Variants in FANCC observed in about 807,000 individuals in gnomAD.
FANCC encodes the protein FA complementation group C, also known as Fanconi anemia group C protein.
FANCC carries 55 observed loss-of-function variants against 71.3 expected under a neutral mutation model. The observed-to-expected ratio is 0.77, with a 90% CI of 0.62 to 0.97. The LOEUF (loss-of-function observed/expected upper bound fraction) is 0.97. FANCC is among the 50% of genes least tolerant of loss of function. The pLI is 0.00. For missense variants in FANCC, 678 were observed against 670.9 expected, an observed-to-expected ratio of 1.01 and a Z score of -0.12; for synonymous variants, 275 against 244.9, an observed-to-expected ratio of 1.12 and a Z score of -1.15.
intron 4 of FANCC, among the ~76,000 whole-genome samples, chr9:95,211,543 C>T (rs1308416162): frequency 6.6e-6 from 1 of 152,138 alleles, no homozygotes; most frequent in African/African-American, 2.4e-5. Context: ...GCCCCAACAA[C>T]GTTTACAAAC....
chr9:95,212,327 T>G (rs976274813), intron 4 of FANCC, among the ~76,000 whole-genome samples: 1 of 152,076 alleles, frequency 6.6e-6, no homozygotes, highest in Non-Finnish European at 1.5e-5. Context: ...ATCAATCTTC[T>G]GAAAATCTAT....
At chr9:95,277,493 G>A (rs994241895) in intron 1 of FANCC, among the ~76,000 whole-genome samples, 4 of 151,962 alleles carry the variant, frequency 2.6e-5, no homozygotes, top group South Asian at 2.1e-4. Context: ...TGCACATTAC[G>A]TGCCAATTAA....
intron 3 of FANCC, 32 bp downstream of exon 3, chr9:95,247,400 C>T (rs912141653): frequency 1.8e-5 from 27 of 1,488,886 alleles, no homozygotes; most frequent in Non-Finnish European, 2.5e-5. Context: ...ATTAAAATAG[C>T]CATTTTGAGA....
intron 6 of FANCC, among the ~76,000 whole-genome samples, chr9:95,163,910 A>C (rs935890820): frequency 5.3e-5 from 8 of 152,196 alleles, no homozygotes; most frequent in Non-Finnish European, 1.0e-4. Context: ...TGAACATGGG[A>C]TATCTTTTTA....
intron 4 of FANCC, among the ~76,000 whole-genome samples, chr9:95,235,211 G>A (rs1830233515): frequency 2.0e-5 from 1 of 49,096 alleles, no homozygotes; most frequent in Non-Finnish European, 3.6e-5. Flanking sequence ...AGTGGGAAAT[G>A]CACCCAAAGG....
At chr9:95,117,166 T>C (rs1027283681) in intron 11 of FANCC, 149 bp downstream of exon 11, 8 of 727,182 alleles carry the variant, frequency 1.1e-5, no homozygotes, top group Non-Finnish European at 1.9e-5. Flanking sequence ...ATCCACAGAA[T>C]GTGGGATCCT....
At chr9:95,186,170 C>G (rs1334435657) in intron 4 of FANCC, among the ~76,000 whole-genome samples, 3 of 152,184 alleles carry the variant, frequency 2.0e-5, no homozygotes, top group Non-Finnish European at 4.4e-5. Context: ...GCACAACTCA[C>G]CCCACTACAC....
In FANCC at chr9:95,206,096, T is replaced by C. The variant is rs1292519140; in HGVS notation, c.346-33949A>G. 2.0e-5 allele frequency among the ~76,000 whole-genome samples: 3 copies of C among 151,878 alleles called. No homozygotes were observed. In the East Asian group the frequency reaches 5.8e-4, roughly 29 times the overall value. On this transcript the variant is annotated intron_variant, in intron 4 of 14. Coordinates refer to ENST00000289081, the MANE Select transcript of FANCC (RefSeq NM_000136.3). ...CCCAAATAAAAGCTGGAAAAAGAAA[T>C]ACACAAAAGCATCATATGTAAAAAG... is the stretch of plus-strand genomic sequence containing the variant.
intron 4 of FANCC, among the ~76,000 whole-genome samples, chr9:95,220,536 C>T (rs530422570): frequency 3.9e-4 from 59 of 152,252 alleles, no homozygotes; most frequent in African/African-American, 1.4e-3. Context: ...TACTATGCAG[C>T]CATACAAAAG....
intron 4 of FANCC, among the ~76,000 whole-genome samples, chr9:95,229,350 A>AC (rs1190518339): frequency 6.6e-6 from 1 of 151,570 alleles, no homozygotes; most frequent in African/African-American, 2.4e-5. Context: ...GAGAGCACAC[A>AC]CAAAGATACT....
chr9:95,287,891 C>A (rs1278064708), intron 1 of FANCC, among the ~76,000 whole-genome samples: 1 of 152,080 alleles, frequency 6.6e-6, no homozygotes, highest in African/African-American at 2.4e-5. Context: ...CATAAAAATT[C>A]AAGATACATA....
At chr9:95,290,575 C>A (rs924003787) in intron 1 of FANCC, among the ~76,000 whole-genome samples, 2 of 152,102 alleles carry the variant, frequency 1.3e-5, no homozygotes, top group African/African-American at 4.8e-5. Context: ...AAGCCAACTA[C>A]CAGAGTGGGT....
At position 95,226,949 on chromosome 9, in the gene FANCC, G is replaced by T. The variant is rs141607689; in HGVS notation, c.345+13700C>A. ...TCCCAGCACAGGAAAGCTCTGAGGG[G>T]TCTCTCGCTTCTACCCCCACAGGCA... On this transcript the variant is annotated intron_variant, in intron 4 of 14. Coordinates refer to ENST00000289081, the MANE Select transcript of FANCC (RefSeq NM_000136.3). Among the ~76,000 whole-genome samples the T allele has an allele frequency of 3.6e-3, 549 of 152,260 alleles. 5 individuals carry two copies. The highest frequency in any genetic ancestry group is 0.012 in the African/African-American group (516 of 41,534).
At chr9:95,233,104 G>A (rs1830108270) in intron 4 of FANCC, among the ~76,000 whole-genome samples, 1 of 151,938 alleles carries the variant, frequency 6.6e-6, no homozygotes, top group South Asian at 2.1e-4. Flanking sequence ...GGAAATTCAG[G>A]GTACTATTAA....
chr9:95,301,244 A>C (rs942693534), intron 1 of FANCC, among the ~76,000 whole-genome samples: 1 of 152,090 alleles, frequency 6.6e-6, no homozygotes, highest in Non-Finnish European at 1.5e-5. Context: ...CAGTGCATGA[A>C]GAATATTCCT....
rs3992109 is a variant in FANCC, at chr9:95,170,637, CGTGT to C, written c.521+438_521+441del. On this transcript the variant is annotated intron_variant, in intron 6 of 14. Transcript: ENST00000289081. ...ACATCAAATGTTGCCTTGTAAATAT[CGTGT>C]GTGTGTGTGTGTGTGTGTGTGTGTG... Among the ~76,000 whole-genome samples the C allele has an allele frequency of 8.3e-3, 1,034 of 124,350 alleles. 9 individuals are homozygous for C. Among genetic ancestry groups the C allele is most frequent in the South Asian group, 0.026 (89 of 3,370 alleles). 81.6% of individuals were successfully genotyped at this position (124,350 alleles called of 152,430 possible).
intron 1 of FANCC, among the ~76,000 whole-genome samples, chr9:95,275,107 A>C (rs1194276657): frequency 1.4e-5 from 2 of 146,134 alleles, no homozygotes; most frequent in African/African-American, 5.1e-5. Flanking sequence ...CCCTGTCTCT[A>C]CAAAAAAAAA....
intron 1 of FANCC, among the ~76,000 whole-genome samples, chr9:95,295,770 T>TA (rs765617250): frequency 0.021 from 2,654 of 123,628 alleles, 48 homozygotes; most frequent in East Asian, 0.069. Flanking sequence ...CTGTATCAAT[T>TA]AAAAAAAAAA....
intron 1 of FANCC, among the ~76,000 whole-genome samples, chr9:95,291,828 G>A (rs1834021150): frequency 6.6e-6 from 1 of 150,698 alleles, no homozygotes; most frequent in African/African-American, 2.4e-5. Context: ...GGCACCTGTA[G>A]TCCCGGTTAC....
Sources: gnomAD v4.1 joint callset for allele counts (sites outside exome capture counted in the v4.1 genomes callset) on GRCh38, gnomAD v4.1.1 for gene constraint, MANE v1.5 for transcripts, NCBI Gene and HGNC (gene_info 2026-07-23, HGNC 2026-07-21) for gene names.